The following MAP3K21 variants were observed in gnomAD, a reference collection of about 807,000 sequenced individuals.
The protein encoded by MAP3K21 is mitogen-activated protein kinase kinase kinase MLK4.
A neutral mutation model predicts 86.1 loss-of-function variants in MAP3K21; 63 were observed. That is an observed-to-expected ratio of 0.73 (90% CI 0.60 to 0.90). The LOEUF is 0.90. Among genes scored for constraint, MAP3K21 ranks in the 40% least tolerant of loss-of-function variants. The pLI is 0.00. For synonymous variants in MAP3K21, 558 were observed against 564.8 expected, an observed-to-expected ratio of 0.99 and a Z score of 0.17; for missense variants, 1,220 against 1,367.7, an observed-to-expected ratio of 0.89 and a Z score of 1.70.
chr1:233,340,234 G>A (rs1037528848), intron 1 of MAP3K21, among the ~76,000 whole-genome samples: 1 of 152,168 alleles, frequency 6.6e-6, no homozygotes, highest in Non-Finnish European at 1.5e-5. Context: ...AAAGGCCAGT[G>A]GACTTGTAAG....
At chr1:233,369,961 T>C (rs1006795744) in intron 5 of MAP3K21, among the ~76,000 whole-genome samples, 3 of 152,168 alleles carry the variant, frequency 2.0e-5, no homozygotes, top group Non-Finnish European at 4.4e-5. Flanking sequence ...ACAGTTTTAA[T>C]CTGTAACTTA....
intron 1 of MAP3K21, among the ~76,000 whole-genome samples, chr1:233,336,619 A>C (rs1662920102): frequency 6.6e-6 from 1 of 152,218 alleles, no homozygotes; most frequent in African/African-American, 2.4e-5. Flanking sequence ...TATTTCACTT[A>C]TAATCCCACT....
In MAP3K21 at chr1:233,346,177, C is replaced by G. The variant is rs117058647; in HGVS notation, c.806-265C>G. On this transcript the variant is annotated intron_variant, in intron 1 of 9. Coordinates refer to ENST00000366624, the MANE Select transcript of MAP3K21 (RefSeq NM_032435.3). ...ACTTGTGATATCTCAGGAAATGTTT[C>G]TTGCTCTTAGAAATCATTTACTTTC... is the stretch of plus-strand genomic sequence containing the variant. Among the ~76,000 whole-genome samples the G allele has an allele frequency of 6.0e-3, 918 of 152,212 alleles. 20 individuals carry two copies. The East Asian group carries it at 0.063, about 10-fold the overall frequency.
At chr1:233,359,406 CT>C (rs57793955) in intron 4 of MAP3K21, among the ~76,000 whole-genome samples, 3 of 151,832 alleles carry the variant, frequency 2.0e-5, no homozygotes, top group Admixed American at 6.6e-5. Context: ...ATATATAATG[CT>C]TTTTTTTGGC....
At position 233,382,749 on chromosome 1, in the gene MAP3K21, G is replaced by T. The variant is rs376286607; in HGVS notation, c.*38G>T. The T allele has an allele frequency of 9.7e-6, 15 of 1,548,704 alleles. No individual in the cohort carries two copies. Among genetic ancestry groups the T allele is most frequent in the East Asian group, 2.3e-5 (1 of 44,366 alleles). On this transcript the variant is annotated 3_prime_UTR_variant, in exon 10 of 10. Coordinates refer to ENST00000366624, the MANE Select transcript of MAP3K21 (RefSeq NM_032435.3). ...ACTGTTGTTTAAGCATTTTTTTAAGGTGAACAAATGAACACAATGTATCTA... is the reference window on the plus strand; with the variant it reads ...ACTGTTGTTTAAGCATTTTTTTAAGTTGAACAAATGAACACAATGTATCTA...
rs1390932387 is a variant in MAP3K21 at position 233,339,268 on chromosome 1, C to CTTCTTCTTCT, written c.806-7173_806-7172insTCTTCTTCTT. On this transcript the variant is annotated intron_variant, in intron 1 of 9. Transcript: ENST00000366624. ...CTTCTTCTTCTTCTTCTTCTTCTTC[C>CTTCTTCTTCT]TCTTCTTCTTCTTCTTCTTCTTCCT... 1.1e-3 allele frequency among the ~76,000 whole-genome samples: 22 copies of CTTCTTCTTCT among 19,872 alleles called. 2 individuals are homozygous for CTTCTTCTTCT. The highest frequency in any genetic ancestry group is 2.3e-3 in the South Asian group (1 of 434). The allele number at this position is 19,872 out of a possible 152,430, so 13.0% of individuals were successfully genotyped here. A position where few individuals can be genotyped will look rare whatever the true frequency, so the allele number is the denominator to read the frequency against.
chr1:233,331,475 A>G (rs764101407), intron 1 of MAP3K21, among the ~76,000 whole-genome samples: 2 of 152,238 alleles, frequency 1.3e-5, no homozygotes, highest in Non-Finnish European at 2.9e-5. Context: ...CTGCTGATAT[A>G]TGAAGCTATG....
chr1:233,365,280 A>G (rs1432071549), intron 5 of MAP3K21, among the ~76,000 whole-genome samples: 16 of 151,300 alleles, frequency 1.1e-4, no homozygotes, highest in African/African-American at 3.7e-4. Context: ...GACAATTGGG[A>G]CTATATTGAA....
intron 1 of MAP3K21, among the ~76,000 whole-genome samples, chr1:233,338,911 GA>G (rs1252894964): frequency 2.0e-5 from 3 of 152,232 alleles, no homozygotes; most frequent in Admixed American, 6.5e-5. Context: ...TCATCAGCAT[GA>G]AAAGGTATGT....
chr1:233,337,616 T>G (rs771986200), intron 1 of MAP3K21, among the ~76,000 whole-genome samples: 3 of 152,178 alleles, frequency 2.0e-5, no homozygotes, highest in African/African-American at 7.2e-5. Context: ...GTCTTTTTAA[T>G]TTGGCTAACT....
At chr1:233,376,144 CT>C in intron 7 of MAP3K21, 78 bp downstream of exon 7, 1 of 1,274,914 alleles carries the variant, frequency 7.8e-7, no homozygotes, top group South Asian at 1.4e-5. Flanking sequence ...ATCAGCCAGA[CT>C]TTCAAAAAGC....
At chr1:233,344,379 A>G in intron 1 of MAP3K21, among the ~76,000 whole-genome samples, 1 of 152,238 alleles carries the variant, frequency 6.6e-6, no homozygotes, top group East Asian at 1.9e-4. Context: ...GTACCAAAAC[A>G]GAGAGATAGA....
chr1:233,343,442 C>A (rs75809981), intron 1 of MAP3K21, among the ~76,000 whole-genome samples: 2,077 of 152,276 alleles, frequency 0.014, 50 homozygotes, highest in African/African-American at 0.047. Context: ...ACATGGGATC[C>A]AAACCAGGCG....
Position 233,328,893 on chromosome 1 carries a change from C to A in MAP3K21, c.805+60C>A. On this transcript the variant is annotated intron_variant, in intron 1 of 9. Coordinates refer to ENST00000366624, the MANE Select transcript of MAP3K21 (RefSeq NM_032435.3). The surrounding 1 kb of genome is among the most constrained non-coding windows in gnomAD (Gnocchi z 8.7). Reference sequence around the variant, plus strand: ...CCTCCGTGCCAGCCCAGGCGGGCTCCACAGGACATAGTACCAGATGGAAAG... The same window carrying A: ...CCTCCGTGCCAGCCCAGGCGGGCTCAACAGGACATAGTACCAGATGGAAAG... 1 of 1,364,978 alleles carries A rather than the reference C, an allele frequency of 7.3e-7. No individual in the cohort carries two copies. Among genetic ancestry groups the A allele is most frequent in the South Asian group, 1.7e-5 (1 of 58,208 alleles). 84.6% of individuals were successfully genotyped at this position (1,364,978 alleles called of 1,614,324 possible). A position where few individuals can be genotyped will look rare whatever the true frequency, so the allele number is the denominator to read the frequency against.
intron 1 of MAP3K21, among the ~76,000 whole-genome samples, chr1:233,340,167 T>A (rs1202734672): frequency 6.6e-6 from 1 of 152,100 alleles, no homozygotes. Flanking sequence ...CAAAAGGCAA[T>A]GGGGAGATGT....
intron 1 of MAP3K21, among the ~76,000 whole-genome samples, chr1:233,340,346 G>A (rs550721558): frequency 2.6e-5 from 4 of 152,206 alleles, no homozygotes; most frequent in East Asian, 1.9e-4. Context: ...TATAGAGGGC[G>A]GAAGAGGAAG....
chr1:233,335,648 G>T (rs1401221338), intron 1 of MAP3K21, among the ~76,000 whole-genome samples: 1 of 152,042 alleles, frequency 6.6e-6, no homozygotes, highest in African/African-American at 2.4e-5. Flanking sequence ...GTGTTTTATT[G>T]TCTCCGTATA....
Position 233,327,777 on chromosome 1 carries a change from G to C in MAP3K21, c.-252G>C, listed in dbSNP as rs1662720188. The C allele has an allele frequency of 3.3e-6, 1 of 304,142 alleles. No homozygotes were observed. Among genetic ancestry groups the C allele is most frequent in the Admixed American group, 5.1e-5 (1 of 19,522 alleles). The allele number at this position is 304,142 out of a possible 1,614,324, so 18.8% of individuals were successfully genotyped here. A position where few individuals can be genotyped will look rare whatever the true frequency, so the allele number is the denominator to read the frequency against. On this transcript the variant is annotated 5_prime_UTR_variant, in exon 1 of 10. Coordinates refer to ENST00000366624, the MANE Select transcript of MAP3K21 (RefSeq NM_032435.3). Reference sequence around the variant, plus strand: ...GCGGGCGGGCCGGCCGCAGGGCCTGGGCACGACCATGGTGGGACGTCGCCC... The same window carrying C: ...GCGGGCGGGCCGGCCGCAGGGCCTGCGCACGACCATGGTGGGACGTCGCCC...
At chr1:233,330,465 G>A (rs962162423) in intron 1 of MAP3K21, among the ~76,000 whole-genome samples, 8 of 152,012 alleles carry the variant, frequency 5.3e-5, no homozygotes, top group African/African-American at 1.5e-4. Flanking sequence ...TAAAAGAAAC[G>A]TCTGACCAGG....
Sources: gnomAD v4.1 joint callset for allele counts (sites outside exome capture counted in the v4.1 genomes callset) on GRCh38, gnomAD v4.1.1 for gene constraint, Gnocchi (gnomAD v3.1) non-coding constraint, MANE v1.5 for transcripts, NCBI Gene and HGNC (gene_info 2026-07-23, HGNC 2026-07-21) for gene names.